TTC12: variants seen among roughly 807,000 people sequenced by gnomAD.
TTC12 encodes tetratricopeptide repeat domain 12.
TTC12 carries 70 observed loss-of-function variants against 90.1 expected under a neutral mutation model. The observed-to-expected ratio is 0.78, with a 90% CI of 0.64 to 0.95. TTC12 has a LOEUF of 0.95. Among genes scored for constraint, TTC12 ranks in the 40% least tolerant of loss-of-function variants. The pLI is 0.00. For synonymous variants in TTC12, 296 were observed against 311.5 expected (o/e 0.95, Z 0.53); for missense variants, 819 against 846.1 (o/e 0.97, Z 0.40).
At chr11:113,326,214 C>T (rs1271211756) in intron 6 of TTC12, among the ~76,000 whole-genome samples, 2 of 152,162 alleles carry the variant, frequency 1.3e-5, no homozygotes, top group African/African-American at 2.4e-5. Context: ...CAAATGAGCT[C>T]AATTTCCTGG....
intron 13 of TTC12, among the ~76,000 whole-genome samples, chr11:113,345,765 A>G (rs1036995842): frequency 5.3e-5 from 8 of 152,050 alleles, no homozygotes; most frequent in Non-Finnish European, 8.8e-5. Flanking sequence ...CGATACCTTC[A>G]TCGTATTTTT....
rs782249849 is a variant in TTC12, at chr11:113,359,469, AT to A, written c.1545+10del. 1 of 1,594,938 alleles carries A rather than the reference AT, an allele frequency of 6.3e-7. No homozygotes were observed. Among genetic ancestry groups the A allele is most frequent in the South Asian group, 1.1e-5 (1 of 90,622 alleles). On this transcript the variant is annotated intron_variant, in intron 17 of 21. Transcript: ENST00000529221. Reference sequence around the variant, plus strand: ...GCTCCCTTTGTCTCTGAGGTATGGCATTCTTGTCTCCCTGCCTGGAGCCCTG... The same window carrying A: ...GCTCCCTTTGTCTCTGAGGTATGGCATCTTGTCTCCCTGCCTGGAGCCCTG...
chr11:113,315,411 G>C (rs539216535), intron 1 of TTC12, among the ~76,000 whole-genome samples: 3 of 152,280 alleles, frequency 2.0e-5, no homozygotes, highest in African/African-American at 7.2e-5. Flanking sequence ...TAGTTTGTTC[G>C]TGGCAGATTA....
At chr11:113,343,752 G>A (rs1202116645) in intron 12 of TTC12, among the ~76,000 whole-genome samples, 1 of 152,190 alleles carries the variant, frequency 6.6e-6, no homozygotes, top group Non-Finnish European at 1.5e-5. Context: ...AAGAGCTTAT[G>A]TTCTAGGAAG....
At position 113,320,513 on chromosome 11, in the gene TTC12, CCCTTCCAGCTCCCCAT is replaced by C. The variant is rs1425446100; in HGVS notation, c.59-2772_59-2757del. On this transcript the variant is annotated intron_variant, in intron 2 of 21. Coordinates refer to ENST00000529221, the MANE Select transcript of TTC12 (RefSeq NM_017868.4). ...GAAGATCATCTTTCCCCTCCATTCC[CCCTTCCAGCTCCCCAT>C]CCATCCCACTGAAAGCCACCTCCAC... Among the ~76,000 whole-genome samples the C allele has an allele frequency of 3.9e-5, 6 of 152,280 alleles. No homozygotes were observed. In the East Asian group the frequency reaches 5.8e-4, roughly 15 times the overall value.
In TTC12 at chr11:113,358,010, G is replaced by C. The variant is rs556151431; in HGVS notation, c.1447-1353G>C. ...CCACAATGGCAGAGGCAACGCAGCT[G>C]GGGGAGAGGGTCCCTGCTGATGACT... On this transcript the variant is annotated intron_variant, in intron 16 of 21. Transcript: ENST00000529221. Among the ~76,000 whole-genome samples the C allele has an allele frequency of 1.4e-4, 21 of 152,342 alleles. No individual in the cohort carries two copies. The East Asian group carries it at 2.1e-3, about 15-fold the overall frequency.
intron 8 of TTC12, among the ~76,000 whole-genome samples, chr11:113,338,172 C>G (rs1555144644): frequency 3.9e-5 from 6 of 152,086 alleles, no homozygotes. Flanking sequence ...AGAAATACTG[C>G]CCTAAGCCCA....
At chr11:113,323,241 CT>C (rs1565572085) in intron 2 of TTC12, 46 bp from the exon 3 acceptor site, 1 of 1,440,604 alleles carries the variant, frequency 6.9e-7, no homozygotes, top group Non-Finnish European at 9.2e-7. Context: ...TGAATAGAGT[CT>C]TTTGAATATC....
At chr11:113,348,873 C>T (rs1467865968) in intron 13 of TTC12, among the ~76,000 whole-genome samples, 2 of 152,226 alleles carry the variant, frequency 1.3e-5, no homozygotes, top group African/African-American at 4.8e-5. Flanking sequence ...TCTCTACCAT[C>T]CCCTGTTCTC....
At chr11:113,346,831 C>A (rs1196359980) in intron 13 of TTC12, among the ~76,000 whole-genome samples, 2 of 150,728 alleles carry the variant, frequency 1.3e-5, no homozygotes, top group Non-Finnish European at 2.9e-5. Flanking sequence ...TTTTTATAAT[C>A]ATTTTCTCTT....
chr11:113,332,820 TC>T (rs1948139623), intron 7 of TTC12, among the ~76,000 whole-genome samples: 1 of 152,172 alleles, frequency 6.6e-6, no homozygotes, highest in Non-Finnish European at 1.5e-5. Context: ...ACTTTCCCAC[TC>T]CCTGCCCTAG....
chr11:113,321,383 A>G, intron 2 of TTC12, among the ~76,000 whole-genome samples: 1 of 152,188 alleles, frequency 6.6e-6, no homozygotes, highest in East Asian at 1.9e-4. Flanking sequence ...TTCAGCATTT[A>G]TTTACTTTAG....
At chr11:113,341,793 C>A in intron 11 of TTC12, 44 bp from the exon 12 acceptor site, 1 of 1,443,776 alleles carries the variant, frequency 6.9e-7, no homozygotes, top group Non-Finnish European at 9.8e-7. Context: ...AAAATCAAGA[C>A]TGATTTTCAG....
intron 13 of TTC12, among the ~76,000 whole-genome samples, chr11:113,347,335 G>A (rs1555148467): frequency 1.3e-5 from 2 of 152,166 alleles, no homozygotes; most frequent in African/African-American, 4.8e-5. Context: ...CAGCATAGAT[G>A]TCCTCTGCGT....
chr11:113,324,640 G>T lies in TTC12; in HGVS notation c.280G>T (p.Glu94Ter). The T allele has an allele frequency of 6.2e-7, 1 of 1,614,004 alleles. No individual in the cohort carries two copies. The highest frequency in any genetic ancestry group is 8.5e-7 in the Non-Finnish European group (1 of 1,179,956). Residue 94 changes from glutamate to a stop codon, truncating the protein, a stop_gained, in exon 5 of 22, where the codon GAA becomes TAA. Transcript: ENST00000529221. LOFTEE classifies it high-confidence loss of function. The part of the protein sequence containing the change: ...FLASVEKDAK[E>*]RAKRRRENKV... Reference sequence around the variant, plus strand: ...GGCATCTGTGGAGAAGGATGCAAAGGAACGAGCCAAGAGAAGAAGGGAAAA... The same window carrying T: ...GGCATCTGTGGAGAAGGATGCAAAGTAACGAGCCAAGAGAAGAAGGGAAAA...
intron 11 of TTC12, 108 bp from the exon 12 acceptor site, chr11:113,341,729 T>G (rs951863201): frequency 1.1e-6 from 1 of 870,714 alleles, no homozygotes; most frequent in Admixed American, 1.7e-5. Context: ...AAACTATACT[T>G]TCTCAAACCT....
chr11:113,351,754 G>T (rs534572332), intron 15 of TTC12, among the ~76,000 whole-genome samples: 87 of 152,294 alleles, frequency 5.7e-4, no homozygotes, highest in African/African-American at 2.0e-3. Flanking sequence ...AGTTTCAGGG[G>T]CCCTTAGAGA....
chr11:113,324,866 C>T (rs1354311091), intron 5 of TTC12, among the ~76,000 whole-genome samples, 184 bp downstream of exon 5: 1 of 152,144 alleles, frequency 6.6e-6, no homozygotes, highest in East Asian at 1.9e-4. Flanking sequence ...CCTGCTGCAA[C>T]AAGCAGAGGG....
At chr11:113,335,953 G>C (rs181123086) in intron 8 of TTC12, among the ~76,000 whole-genome samples, 1 of 152,272 alleles carries the variant, frequency 6.6e-6, no homozygotes, top group Admixed American at 6.5e-5. Context: ...TGGAATAGCA[G>C]GGCCGTATGG....
Sources: allele counts gnomAD v4.1 joint callset (sites outside exome capture counted in the v4.1 genomes callset), GRCh38; gene constraint gnomAD v4.1.1; transcripts MANE v1.5; gene names NCBI Gene and HGNC (gene_info 2026-07-23, HGNC 2026-07-21).